The following ERC2 variants were observed in gnomAD, a reference collection of about 807,000 sequenced individuals.
ERC2 encodes the protein ELKS/RAB6-interacting/CAST family member 2.
Under a neutral mutation model 114.8 loss-of-function variants are expected in ERC2, and 42 were observed. That is an observed-to-expected ratio of 0.37 (90% CI 0.29 to 0.47). The LOEUF (loss-of-function observed/expected upper bound fraction) is 0.47, where lower values mean the gene tolerates loss of function less well. Ranked by LOEUF, ERC2 falls within the 20% of genes least tolerant of loss-of-function variation. The pLI, the probability that ERC2 is intolerant of heterozygous loss-of-function variation, is 0.99. For synonymous variants in ERC2, 454 were observed against 425.5 expected (o/e 1.07, Z -0.82); for missense variants, 939 against 1,150.7 (o/e 0.82, Z 2.66).
At chr3:55,836,211 T>C (rs1257526356) in intron 14 of ERC2, among the ~76,000 whole-genome samples, 1 of 152,152 alleles carries the variant, frequency 6.6e-6, no homozygotes, top group Non-Finnish European at 1.5e-5. Flanking sequence ...GCCATCCCCA[T>C]CAAGTTAACA....
chr3:55,639,447 G>T (rs1575879267), intron 17 of ERC2, among the ~76,000 whole-genome samples: 1 of 152,108 alleles, frequency 6.6e-6, no homozygotes, highest in Admixed American at 6.5e-5. Context: ...GAGAAGCCTG[G>T]GGAGCCTACA....
At chr3:55,522,195 G>A (rs560078916) in intron 17 of ERC2, among the ~76,000 whole-genome samples, 1 of 152,150 alleles carries the variant, frequency 6.6e-6, no homozygotes, top group African/African-American at 2.4e-5. Context: ...AGTCTTCTCT[G>A]GGGGGAGGGG....
rs9813881 is a variant in ERC2, at chr3:55,795,376, T to C, written c.2565-60458A>G. 5.8e-3 allele frequency among the ~76,000 whole-genome samples: 877 copies of C among 152,292 alleles called. 10 individuals are homozygous for C. Among genetic ancestry groups the C allele is most frequent in the African/African-American group, 0.02 (834 of 41,560 alleles). Reference sequence around the variant, plus strand: ...CACCTTGCTTTGCCCCAGATCTCCATTGAGAATGGAACCTTCCTACTTACT... The same window carrying C: ...CACCTTGCTTTGCCCCAGATCTCCACTGAGAATGGAACCTTCCTACTTACT... On this transcript the variant is annotated intron_variant, in intron 14 of 17. Transcript: ENST00000288221.
At chr3:55,925,411 A>G (rs942669348) in intron 13 of ERC2, among the ~76,000 whole-genome samples, 4 of 152,192 alleles carry the variant, frequency 2.6e-5, no homozygotes, top group African/African-American at 9.6e-5. Context: ...AGATCAGAAC[A>G]AAGTCAGGGT....
chr3:56,103,054 T>C (rs1179174999), intron 6 of ERC2, among the ~76,000 whole-genome samples: 4 of 151,940 alleles, frequency 2.6e-5, no homozygotes, highest in Admixed American at 2.0e-4. Context: ...CCTGTTAAAA[T>C]AGGGGAGGGA....
intron 7 of ERC2, among the ~76,000 whole-genome samples, chr3:56,026,972 C>G (rs953231885): frequency 6.6e-6 from 1 of 152,222 alleles, no homozygotes; most frequent in Non-Finnish European, 1.5e-5. Flanking sequence ...TCCCTCCTGC[C>G]TCTGTCCCAT....
chr3:55,751,236 C>T lies in ERC2; in HGVS notation c.2565-16318G>A, dbSNP rs187066205. ...ACCCAAATTGTTTGTACTGAGTGAC[C>T]GTCCCTTTGCCAATGTCTGTTTCCA... is the stretch of plus-strand genomic sequence containing the variant. On this transcript the variant is annotated intron_variant, in intron 14 of 17. Transcript: ENST00000288221. 4.6e-5 allele frequency among the ~76,000 whole-genome samples: 7 copies of T among 152,202 alleles called. No individual in the cohort carries two copies. In the East Asian group the frequency reaches 1.2e-3, roughly 25 times the overall value.
intron 14 of ERC2, among the ~76,000 whole-genome samples, chr3:55,746,462 G>A (rs911228015): frequency 1.2e-4 from 18 of 152,052 alleles, no homozygotes; most frequent in African/African-American, 4.3e-4. Context: ...TCGAACTCCC[G>A]ACCTCAGGTG....
At chr3:56,104,124 A>C (rs1238500178) in intron 6 of ERC2, among the ~76,000 whole-genome samples, 2 of 152,184 alleles carry the variant, frequency 1.3e-5, no homozygotes, top group Non-Finnish European at 2.9e-5. Context: ...TATGACTTAA[A>C]TGTTACTACA....
chr3:56,244,273 G>GTA (rs1356033433), intron 3 of ERC2, among the ~76,000 whole-genome samples: 43 of 152,058 alleles, frequency 2.8e-4, no homozygotes, highest in African/African-American at 1.0e-3. Context: ...TTGTATAAGA[G>GTA]TATAACACAT....
chr3:55,709,492 T>G (rs1235449871), intron 15 of ERC2, among the ~76,000 whole-genome samples: 1 of 151,894 alleles, frequency 6.6e-6, no homozygotes, highest in African/African-American at 2.4e-5. Flanking sequence ...AAGGGAAGGG[T>G]AAAGCAAAGG....
intron 10 of ERC2, among the ~76,000 whole-genome samples, chr3:55,998,230 C>T (rs2071753809): frequency 6.6e-6 from 1 of 151,762 alleles, no homozygotes. Flanking sequence ...ATTCTTATGT[C>T]TCTCTCTCTT....
intron 13 of ERC2, among the ~76,000 whole-genome samples, chr3:55,932,130 A>G (rs1434635227): frequency 6.6e-6 from 1 of 152,202 alleles, no homozygotes; most frequent in Admixed American, 6.5e-5. Flanking sequence ...CATGAATCAA[A>G]GCAGATCTGC....
intron 6 of ERC2, among the ~76,000 whole-genome samples, chr3:56,137,181 T>C (rs1228408599): frequency 6.6e-6 from 1 of 152,180 alleles, no homozygotes; most frequent in Non-Finnish European, 1.5e-5. Context: ...TGGCTCCTCA[T>C]TCATTTTCTC....
intron 17 of ERC2, among the ~76,000 whole-genome samples, chr3:55,520,424 ACT>A (rs1056887711): frequency 5.3e-5 from 6 of 112,408 alleles, no homozygotes; most frequent in African/African-American, 8.1e-5. Flanking sequence ...AGACAGTGAG[ACT>A]CTGTCTCAAA....
intron 17 of ERC2, among the ~76,000 whole-genome samples, chr3:55,644,099 G>A (rs181264756): frequency 2.1e-3 from 314 of 152,216 alleles, no homozygotes; most frequent in South Asian, 9.3e-3. Context: ...CCCAGTGGCC[G>A]GCCAGTCCAC....
intron 2 of ERC2, among the ~76,000 whole-genome samples, chr3:56,340,464 T>TG (rs999042572): frequency 5.9e-4 from 89 of 151,974 alleles, no homozygotes; most frequent in African/African-American, 2.0e-3. Context: ...GCTTCTAAGA[T>TG]GAAGCTGTGC....
intron 3 of ERC2, among the ~76,000 whole-genome samples, chr3:56,234,225 A>C (rs1162250954): frequency 6.6e-6 from 1 of 152,220 alleles, no homozygotes. Context: ...AAATAAACTC[A>C]ATTCACTCTT....
At chr3:56,139,400 C>A in intron 6 of ERC2, 109 bp downstream of exon 6, 1 of 1,033,944 alleles carries the variant, frequency 9.7e-7, no homozygotes, top group Non-Finnish European at 1.4e-6. Context: ...CAAAATACAT[C>A]TGGCCCCAAG....
Sources: allele counts gnomAD v4.1 joint callset (sites outside exome capture counted in the v4.1 genomes callset), GRCh38; gene constraint gnomAD v4.1.1; transcripts MANE v1.5; gene names NCBI Gene and HGNC (gene_info 2026-07-23, HGNC 2026-07-21).